The following POU3F3 variants were observed in gnomAD, a reference collection of about 807,000 sequenced individuals.
The protein encoded by POU3F3 is POU domain, class 3, transcription factor 3.
POU3F3 carries 1 observed loss-of-function variant against 8.6 expected under a neutral mutation model. That is an observed-to-expected ratio of 0.12 (90% CI 0.04 to 0.55). The LOEUF is 0.55. Ranked by LOEUF, POU3F3 falls within the 20% of genes least tolerant of loss-of-function variation. The probability of loss-of-function intolerance (pLI) is 0.91; values close to 1 mark genes in which losing one functional copy is unlikely to be tolerated. For missense variants in POU3F3, 577 were observed against 690.7 expected (o/e 0.84, Z 1.84); for synonymous variants, 418 against 327.4 (o/e 1.28, Z -2.99).
At chr2:104,892,699 G>A in the POU3F3 span, among the ~76,000 whole-genome samples, 2 of 151,086 alleles carry the variant, frequency 1.3e-5, no homozygotes, top group Non-Finnish European at 2.9e-5. Flanking sequence ...ATATATATAT[G>A]TATATATACA....
chr2:104,868,285 A>G, the POU3F3 span: 1 of 456,554 alleles, frequency 2.2e-6, no homozygotes, highest in Non-Finnish European at 4.4e-6. Flanking sequence ...TGAGGAGCTC[A>G]GGGCCCGAGT....
At chr2:104,923,451 T>C in the POU3F3 span, among the ~76,000 whole-genome samples, 1 of 152,184 alleles carries the variant, frequency 6.6e-6, no homozygotes, top group Non-Finnish European at 1.5e-5. Context: ...AAGCTGCTAT[T>C]AATTCAAATC....
At chr2:104,877,799 A>C in the POU3F3 span, among the ~76,000 whole-genome samples, 1 of 151,690 alleles carries the variant, frequency 6.6e-6, no homozygotes, top group Non-Finnish European at 1.5e-5. Context: ...CTGGGATTAC[A>C]GGCACACACC....
At chr2:104,914,352 T>C in the POU3F3 span, among the ~76,000 whole-genome samples, 1 of 152,310 alleles carries the variant, frequency 6.6e-6, no homozygotes, top group African/African-American at 2.4e-5. Flanking sequence ...CAGGAAAACA[T>C]CCTCTCCACC....
At chr2:104,923,008 GA>G in the POU3F3 span, among the ~76,000 whole-genome samples, 4 of 151,642 alleles carry the variant, frequency 2.6e-5, no homozygotes, top group Non-Finnish European at 2.9e-5. Context: ...GTGCTGAAAG[GA>G]AAAAAAACTG....
chr2:104,856,064 G>A lies in POU3F3; in HGVS notation c.554G>A (p.Gly185Glu). 2 of 1,004,252 alleles carry A rather than the reference G, an allele frequency of 2.0e-6. No individual in the cohort carries two copies. The highest frequency in any genetic ancestry group is 2.4e-6 in the Non-Finnish European group (2 of 848,478). 62.2% of individuals were successfully genotyped at this position (1,004,252 alleles called of 1,614,324 possible). A position where few individuals can be genotyped will look rare whatever the true frequency, so the allele number is the denominator to read the frequency against. ...PPPPPHQGHP[G>E]GWGAAAAAAA... is the part of the protein sequence containing the mutation. ...CCGCCCCCACACCAGGGCCACCCTG[G>A]GGGCTGGGGGGCGGCCGCCGCTGCC... The change falls in exon 1 of 1, where the codon GGG (glycine) becomes GAG (glutamate). Residue 185 changes from glycine (G) to glutamate (E), a missense_variant. Around this residue, in one of 7 missense-constraint regions of POU3F3, gnomAD observed 484 missense variants for 422.6 expected, o/e 1.15. Transcript: ENST00000361360.
the POU3F3 span, among the ~76,000 whole-genome samples, chr2:104,909,189 T>C: frequency 1.3e-4 from 20 of 152,212 alleles, no homozygotes; most frequent in Admixed American, 1.2e-3. Context: ...TAGTGAATTA[T>C]GAGGCCAAAA....
chr2:104,893,917 G>A, the POU3F3 span, among the ~76,000 whole-genome samples: 5,013 of 149,800 alleles, frequency 0.033, 272 homozygotes, highest in African/African-American at 0.12. Context: ...TGCAGTGCGC[G>A]CCAAGGGGTT....
chr2:104,892,668 T>C, the POU3F3 span, among the ~76,000 whole-genome samples: 1 of 151,654 alleles, frequency 6.6e-6, no homozygotes, highest in Non-Finnish European at 1.5e-5. Context: ...TGTATATATA[T>C]ACACATATGT....
chr2:104,912,837 G>A, the POU3F3 span, among the ~76,000 whole-genome samples: 1 of 152,188 alleles, frequency 6.6e-6, no homozygotes, highest in South Asian at 2.1e-4. Context: ...TTCTGACTTG[G>A]AGGTATGTGA....
chr2:104,869,599 C>G, the POU3F3 span, among the ~76,000 whole-genome samples: 890 of 152,286 alleles, frequency 5.8e-3, 2 homozygotes, highest in Non-Finnish European at 9.7e-3. Flanking sequence ...CTGGAACTCC[C>G]TGTAGGACAG....
chr2:104,896,662 C>T, the POU3F3 span, among the ~76,000 whole-genome samples: 1 of 152,230 alleles, frequency 6.6e-6, no homozygotes, highest in Non-Finnish European at 1.5e-5. Context: ...CCAGACCATC[C>T]CCTCTGCTCA....
chr2:104,855,553 C>A lies in POU3F3; in HGVS notation c.43C>A (p.Leu15Met). The A allele has an allele frequency of 1.9e-6, 2 of 1,041,148 alleles. No homozygotes were observed. Among genetic ancestry groups the A allele is most frequent in the Non-Finnish European group, 2.3e-6 (2 of 864,220 alleles). The allele number at this position is 1,041,148 out of a possible 1,614,324, so 64.5% of individuals were successfully genotyped here. A position where few individuals can be genotyped will look rare whatever the true frequency, so the allele number is the denominator to read the frequency against. Residue 15 changes from leucine to methionine, a missense_variant, in exon 1 of 1, where the codon CTG becomes ATG. By Grantham distance (15) the Leu-to-Met change is conservative. Around this residue, in one of 7 missense-constraint regions of POU3F3, gnomAD observed 484 missense variants for 422.6 expected, o/e 1.15. Coordinates refer to ENST00000361360, the MANE Select transcript of POU3F3 (RefSeq NM_006236.3). ...TAACCCCTACCTGCCGGGGAACAGC[C>A]TGCTCGCGGCCGGCTCTATTGTGCA... is the stretch of plus-strand genomic sequence containing the variant. ...ASNPYLPGNSLLAAGSIVHSD... is the reference protein window; with the variant it reads ...ASNPYLPGNSMLAAGSIVHSD...
Position 104,856,246 on chromosome 2 carries a change from G to A in POU3F3, c.736G>A (p.Gly246Ser), listed in dbSNP as rs1676565452. ...ACCGGGGCCCGGCGGCGGCGGCGGC[G>A]GCGCGGGCGGTGGAGCCCAGAGCTT... Reference protein sequence around the residue: ...APPGPGGGGGGAGGGAQSLVH... With the variant: ...APPGPGGGGGSAGGGAQSLVH... The change falls in exon 1 of 1, where the codon GGC becomes AGC. Residue 246 changes from glycine to serine, a missense_variant. Transcript: ENST00000361360. 7.8e-7 allele frequency: 1 copy of A among 1,283,106 alleles called. No homozygotes were observed. Among genetic ancestry groups the A allele is most frequent in the Non-Finnish European group, 9.8e-7 (1 of 1,024,526 alleles). The allele number at this position is 1,283,106 out of a possible 1,614,324, so 79.5% of individuals were successfully genotyped here. A position where few individuals can be genotyped will look rare whatever the true frequency, so the allele number is the denominator to read the frequency against.
the POU3F3 span, among the ~76,000 whole-genome samples, chr2:104,893,810 G>T: frequency 1.3e-5 from 2 of 151,568 alleles, no homozygotes; most frequent in Non-Finnish European, 2.9e-5. Flanking sequence ...TTGAACCCTG[G>T]AGGCGGAGGT....
chr2:104,897,885 T>G, the POU3F3 span, among the ~76,000 whole-genome samples: 1 of 152,196 alleles, frequency 6.6e-6, no homozygotes, highest in Admixed American at 6.5e-5. Flanking sequence ...TCTAGGGCCT[T>G]ATGAAGATAG....
At chr2:104,873,148 C>T in the POU3F3 span, among the ~76,000 whole-genome samples, 1 of 152,188 alleles carries the variant, frequency 6.6e-6, no homozygotes, top group African/African-American at 2.4e-5. Context: ...CTTGCACCTG[C>T]GCCATTCTCT....
At position 104,857,176 on chromosome 2, in the gene POU3F3, G is replaced by C. The variant is rs2104341741; in HGVS notation, c.*163G>C. ...TCCGGGCTCCAGCCCAGGCCCATCCGCCGCCCTCCCCTCCACCCAGAGACA... is the reference window on the plus strand; with the variant it reads ...TCCGGGCTCCAGCCCAGGCCCATCCCCCGCCCTCCCCTCCACCCAGAGACA... On this transcript the variant is annotated 3_prime_UTR_variant, in exon 1 of 1. Coordinates refer to ENST00000361360, the MANE Select transcript of POU3F3 (RefSeq NM_006236.3). 2.6e-6 allele frequency: 2 copies of C among 761,602 alleles called. No homozygotes were observed. The highest frequency in any genetic ancestry group is 1.3e-4 in the East Asian group (1 of 7,786). The allele number at this position is 761,602 out of a possible 1,614,324, so 47.2% of individuals were successfully genotyped here. A position where few individuals can be genotyped will look rare whatever the true frequency, so the allele number is the denominator to read the frequency against.
At chr2:104,862,219 G>A (rs1676667661), downstream of POU3F3, among the ~76,000 whole-genome samples, 2 of 152,220 alleles carry the variant, frequency 1.3e-5, no homozygotes, top group South Asian at 4.1e-4. Context: ...CTGGCGGGCT[G>A]TGCGCTGCGT....
Sources: allele counts gnomAD v4.1 joint callset (sites outside exome capture counted in the v4.1 genomes callset), GRCh38; gene constraint gnomAD v4.1.1; regional missense constraint gnomAD v4.1.1; transcripts MANE v1.5; gene names NCBI Gene and HGNC (gene_info 2026-07-23, HGNC 2026-07-21).